NUP210L: variants seen among roughly 807,000 people sequenced by gnomAD.
NUP210L encodes nuclear pore membrane glycoprotein 210-like.
Under a neutral mutation model 208.5 loss-of-function variants are expected in NUP210L, and 74 were observed. The observed-to-expected ratio is 0.35, with a 90% CI of 0.29 to 0.43. The LOEUF is 0.43. Among genes scored for constraint, NUP210L ranks in the 20% least tolerant of loss-of-function variants. NUP210L has a pLI of 1.00. For missense variants in NUP210L, 1,843 were observed against 2,289.4 expected (o/e 0.81, Z 3.98); for synonymous variants, 780 against 816.9 (o/e 0.95, Z 0.77).
chr1:154,113,857 C>CAAA (rs11298820), intron 12 of NUP210L, among the ~76,000 whole-genome samples: 3 of 40,672 alleles, frequency 7.4e-5, no homozygotes, highest in African/African-American at 1.2e-4. Context: ...GACTCCATCT[C>CAAA]AAAAAAAAAA....
intron 16 of NUP210L, among the ~76,000 whole-genome samples, chr1:154,076,102 C>CTTT (rs60524355): frequency 2.5e-5 from 3 of 117,910 alleles, no homozygotes; most frequent in Non-Finnish European, 3.4e-5. Context: ...ACAAAGACTT[C>CTTT]TTTTTTTTTT....
intron 16 of NUP210L, among the ~76,000 whole-genome samples, chr1:154,087,888 A>G (rs1224773339): frequency 6.6e-6 from 1 of 152,214 alleles, no homozygotes; most frequent in Non-Finnish European, 1.5e-5. Flanking sequence ...AGGCAAATCC[A>G]TAGAGACAGA....
intron 23 of NUP210L, among the ~76,000 whole-genome samples, chr1:154,056,580 A>G (rs1402141112): frequency 4.0e-5 from 6 of 151,806 alleles, no homozygotes; most frequent in African/African-American, 1.5e-4. Flanking sequence ...TGGCTAATTT[A>G]TTTTATTTTA....
At chr1:154,122,604 G>A (rs993179997) in intron 10 of NUP210L, among the ~76,000 whole-genome samples, 5 of 152,136 alleles carry the variant, frequency 3.3e-5, no homozygotes, top group African/African-American at 9.7e-5. Context: ...GCAGTGAGCC[G>A]AGATTGTGCC....
At chr1:154,154,986 C>T (rs1341138415) in exon 1 of NUP210L, 2 of 1,613,902 alleles carry the variant, frequency 1.2e-6, no homozygotes, top group East Asian at 2.2e-5. Flanking sequence ...GCGGTGTAGA[C>T]GCAAGAAGAA....
At chr1:154,054,473 A>G in intron 24 of NUP210L, 66 bp from the exon 25 acceptor site, 2 of 1,518,782 alleles carry the variant, frequency 1.3e-6, no homozygotes, top group Non-Finnish European at 1.8e-6. Flanking sequence ...TTTTCCCAAC[A>G]TTTTGTCCAA....
chr1:154,100,716 C>T (rs1270155885), intron 13 of NUP210L, among the ~76,000 whole-genome samples: 1 of 151,054 alleles, frequency 6.6e-6, no homozygotes, highest in Non-Finnish European at 1.5e-5. Flanking sequence ...GACAGGGTTT[C>T]ACTGTATTGG....
intron 27 of NUP210L, among the ~76,000 whole-genome samples, chr1:154,045,387 T>A (rs1442213566): frequency 6.6e-6 from 1 of 152,220 alleles, no homozygotes; most frequent in East Asian, 1.9e-4. Context: ...AAAAATTGTA[T>A]ATTTATTTTT....
chr1:154,136,012 C>A, intron 6 of NUP210L, 40 bp from the exon 7 acceptor site: 2 of 1,369,862 alleles, frequency 1.5e-6, no homozygotes, highest in Admixed American at 1.7e-5. Context: ...ATGACAGCAG[C>A]CATTCCAGTA....
chr1:154,099,043 G>A (rs1656322468), intron 14 of NUP210L, among the ~76,000 whole-genome samples: 1 of 152,194 alleles, frequency 6.6e-6, no homozygotes, highest in African/African-American at 2.4e-5. Flanking sequence ...GATTGTGACA[G>A]CGCCCAGGAT....
intron 12 of NUP210L, among the ~76,000 whole-genome samples, chr1:154,116,548 G>T (rs1249305475): frequency 3.3e-5 from 5 of 152,064 alleles, no homozygotes; most frequent in African/African-American, 1.2e-4. Flanking sequence ...GGGCAACACA[G>T]TGAGACCCTG....
chr1:154,098,153 G>A (rs1398434908), intron 14 of NUP210L, among the ~76,000 whole-genome samples: 1 of 152,254 alleles, frequency 6.6e-6, no homozygotes, highest in East Asian at 1.9e-4. Context: ...CTGCAAGCCT[G>A]TGGCTAGATC....
chr1:154,057,698 G>C (rs1653941909), intron 22 of NUP210L, among the ~76,000 whole-genome samples: 2 of 147,218 alleles, frequency 1.4e-5, no homozygotes, highest in Admixed American at 6.8e-5. Flanking sequence ...GAATGTGTGT[G>C]TGTGTGTGTG....
At chr1:154,057,729 T>C (rs1370992818) in intron 22 of NUP210L, among the ~76,000 whole-genome samples, 3 of 150,968 alleles carry the variant, frequency 2.0e-5, no homozygotes, top group Non-Finnish European at 3.0e-5. Context: ...TGTGTGTGTG[T>C]GTGTGTGTAT....
At chr1:154,087,108 T>A (rs1571256976) in intron 16 of NUP210L, among the ~76,000 whole-genome samples, 1 of 151,422 alleles carries the variant, frequency 6.6e-6, no homozygotes, top group Admixed American at 6.6e-5. Context: ...TCAGCTGAGG[T>A]CAGGAGTTTG....
chr1:154,135,112 A>T (rs528209671), intron 7 of NUP210L, among the ~76,000 whole-genome samples: 6 of 152,310 alleles, frequency 3.9e-5, no homozygotes, highest in Admixed American at 2.6e-4. Flanking sequence ...CAACACAATA[A>T]AAATATTAGT....
chr1:154,091,718 C>T (rs1655926602), intron 15 of NUP210L, among the ~76,000 whole-genome samples: 1 of 151,604 alleles, frequency 6.6e-6, no homozygotes. Context: ...CCAGGCTGGT[C>T]TCGAACTCCT....
chr1:154,045,974 G>T, intron 27 of NUP210L, 95 bp downstream of exon 27: 2 of 1,155,442 alleles, frequency 1.7e-6, no homozygotes, highest in Non-Finnish European at 2.4e-6. Flanking sequence ...GACAGAGTGA[G>T]ACCTCATCTC....
chr1:154,038,995 G>A (rs1213367452), intron 27 of NUP210L, among the ~76,000 whole-genome samples: 2 of 151,878 alleles, frequency 1.3e-5, no homozygotes, highest in Non-Finnish European at 2.9e-5. Flanking sequence ...GTTATTTTTA[G>A]TAGGTTCATC....
Sources: allele counts gnomAD v4.1 joint callset (sites outside exome capture counted in the v4.1 genomes callset), GRCh38; gene constraint gnomAD v4.1.1; transcripts MANE v1.5; gene names NCBI Gene and HGNC (gene_info 2026-07-23, HGNC 2026-07-21).